The following SLC7A7 variants were observed in gnomAD, a reference collection of about 807,000 sequenced individuals.
SLC7A7 encodes solute carrier family 7 member 7.
In SLC7A7, 39 loss-of-function variants were observed where a neutral mutation model predicts 47.9. That is an observed-to-expected ratio of 0.81 (90% confidence interval 0.63 to 1.06). The LOEUF (loss-of-function observed/expected upper bound fraction) is 1.06, where lower values mean the gene tolerates loss of function less well. Ranked by LOEUF, SLC7A7 falls within the 50% of genes least tolerant of loss-of-function variation. The pLI is 0.00. For missense variants in SLC7A7, 588 were observed against 632.0 expected, an observed-to-expected ratio of 0.93 and a Z score of 0.75; for synonymous variants, 234 against 242.8, an observed-to-expected ratio of 0.96 and a Z score of 0.34.
chr14:22,790,071 G>A (rs1373217894), intron 2 of SLC7A7, among the ~76,000 whole-genome samples: 2 of 152,288 alleles, frequency 1.3e-5, no homozygotes, highest in South Asian at 2.1e-4. Context: ...GCTCGCTCCT[G>A]TAATTCCAGC....
intron 2 of SLC7A7, among the ~76,000 whole-genome samples, chr14:22,811,480 T>C (rs1019228618): frequency 6.6e-6 from 1 of 152,152 alleles, no homozygotes; most frequent in Non-Finnish European, 1.5e-5. Flanking sequence ...CTTTACTGAA[T>C]GTACAGATTT....
chr14:22,795,101 G>T (rs1236553918), intron 2 of SLC7A7, among the ~76,000 whole-genome samples: 27 of 108,654 alleles, frequency 2.5e-4, no homozygotes, highest in South Asian at 6.3e-4. Flanking sequence ...TTTTTTTTGA[G>T]ACAGCGTCTC....
At chr14:22,815,157 A>T in intron 1 of SLC7A7, 163 bp downstream of exon 1, 1 of 356,142 alleles carries the variant, frequency 2.8e-6, no homozygotes, top group South Asian at 2.1e-5. Context: ...GAAAACACCG[A>T]ACAGGAGACA....
At chr14:22,787,361 A>G (rs1178720133) in intron 2 of SLC7A7, among the ~76,000 whole-genome samples, 3 of 152,030 alleles carry the variant, frequency 2.0e-5, no homozygotes, top group Non-Finnish European at 4.4e-5. Context: ...GCTTGAACCC[A>G]GGAGGCGGAG....
intron 2 of SLC7A7, among the ~76,000 whole-genome samples, chr14:22,804,440 G>A (rs1219816328): frequency 2.6e-5 from 4 of 152,100 alleles, no homozygotes; most frequent in Admixed American, 2.6e-4. Flanking sequence ...TACAGAATGG[G>A]AGAAAATTTT....
intron 5 of SLC7A7, 103 bp downstream of exon 5, chr14:22,776,092 T>G (rs3850290): frequency 2.6e-6 from 4 of 1,525,316 alleles, no homozygotes; most frequent in Non-Finnish European, 3.6e-6. Context: ...CTAAATGAAC[T>G]CCTTTCAAGG....
chr14:22,786,681 C>A (rs2038823229), intron 2 of SLC7A7, among the ~76,000 whole-genome samples: 2 of 152,184 alleles, frequency 1.3e-5, no homozygotes, highest in Admixed American at 1.3e-4. Flanking sequence ...TGCCTATAAT[C>A]CCAGCATTTT....
upstream of SLC7A7, among the ~76,000 whole-genome samples, chr14:22,819,156 A>G (rs547357604): frequency 6.6e-6 from 1 of 152,248 alleles, no homozygotes; most frequent in African/African-American, 2.4e-5. Context: ...GAACTAGTAC[A>G]TAATTCGGGG....
intron 7 of SLC7A7, among the ~76,000 whole-genome samples, chr14:22,774,804 G>A (rs559479350): frequency 7.5e-4 from 114 of 152,068 alleles, no homozygotes; most frequent in African/African-American, 2.6e-3. Flanking sequence ...ACAATAACCC[G>A]CTCTTATCTC....
At chr14:22,784,307 G>GA (rs984246115) in intron 2 of SLC7A7, among the ~76,000 whole-genome samples, 2 of 152,076 alleles carry the variant, frequency 1.3e-5, no homozygotes, top group South Asian at 2.1e-4. Flanking sequence ...CCCAGGGGGA[G>GA]AAAAAAAGAA....
chr14:22,780,169 A>C (rs995538456), intron 2 of SLC7A7, 118 bp from the exon 3 acceptor site: 1 of 1,405,550 alleles, frequency 7.1e-7, no homozygotes, highest in Non-Finnish European at 9.9e-7. Flanking sequence ...CCAAAGACAG[A>C]CCCTCTGACC....
chr14:22,792,925 T>TC (rs2038951234), intron 2 of SLC7A7, among the ~76,000 whole-genome samples: 2 of 149,990 alleles, frequency 1.3e-5, no homozygotes, highest in African/African-American at 4.9e-5. Flanking sequence ...ATATCTTTTT[T>TC]TTTTTTTTAA....
At chr14:22,789,032 T>C (rs1297492378) in intron 2 of SLC7A7, among the ~76,000 whole-genome samples, 2 of 152,156 alleles carry the variant, frequency 1.3e-5, no homozygotes, top group African/African-American at 4.8e-5. Context: ...AAATTAAAAT[T>C]GAACCAAAAA....
Position 22,775,869 on chromosome 14 carries a change from A to G in SLC7A7, c.962T>C (p.Phe321Ser). 1.9e-6 allele frequency: 3 copies of G among 1,614,206 alleles called. No individual in the cohort carries two copies. The highest frequency in any genetic ancestry group is 2.5e-6 in the Non-Finnish European group (3 of 1,180,024). ...IIPLSVALSC[F>S]GGLNASIVAA... ...CACAATGGAGGCATTGAGGCCACCA[A>G]AACAGGATAATGCAACTGACAGTGG... Residue 321 changes from phenylalanine (F) to serine (S), a missense_variant, in exon 6 of 10, where the codon TTT becomes TCT. Physicochemically the swap from Phe to Ser is radical, Grantham distance 155. Coordinates refer to ENST00000674313, the MANE Select transcript of SLC7A7 (RefSeq NM_003982.4).
intron 2 of SLC7A7, among the ~76,000 whole-genome samples, chr14:22,792,025 C>T (rs1297878956): frequency 3.3e-5 from 5 of 152,076 alleles, no homozygotes; most frequent in African/African-American, 4.8e-5. Flanking sequence ...TTAGTACAGA[C>T]GGGGTTTCAC....
intron 2 of SLC7A7, among the ~76,000 whole-genome samples, chr14:22,790,585 T>A (rs774910032): frequency 1.3e-5 from 2 of 152,168 alleles, no homozygotes; most frequent in Non-Finnish European, 2.9e-5. Context: ...CTCTTTAATG[T>A]ACTACATGAA....
intron 2 of SLC7A7, among the ~76,000 whole-genome samples, chr14:22,799,093 C>G (rs975279158): frequency 4.6e-5 from 7 of 152,178 alleles, no homozygotes; most frequent in Admixed American, 3.3e-4. Context: ...ATTTCACCCT[C>G]ACTGCCCTGA....
chr14:22,789,581 TCA>T (rs1217900922), intron 2 of SLC7A7, among the ~76,000 whole-genome samples: 4 of 141,006 alleles, frequency 2.8e-5, no homozygotes, highest in Non-Finnish European at 4.5e-5. Flanking sequence ...TGAGCCAAGA[TCA>T]CACCACTGCA....
intron 4 of SLC7A7, among the ~76,000 whole-genome samples, chr14:22,777,393 G>A (rs1283112911): frequency 6.6e-6 from 1 of 152,164 alleles, no homozygotes; most frequent in Non-Finnish European, 1.5e-5. Context: ...TCAGTAGGAA[G>A]AGAAGTGTAT....
Sources: allele counts gnomAD v4.1 joint callset (sites outside exome capture counted in the v4.1 genomes callset), GRCh38; gene constraint gnomAD v4.1.1; transcripts MANE v1.5; gene names NCBI Gene and HGNC (gene_info 2026-07-23, HGNC 2026-07-21).